Variants in AKAP6 observed in about 807,000 individuals in gnomAD.
The protein encoded by AKAP6 is A-kinase anchor protein 6.
Under a neutral mutation model 188.5 loss-of-function variants are expected in AKAP6, and 58 were observed. The ratio of observed to expected loss-of-function variants is 0.31; its 90% CI spans 0.25 to 0.38. The LOEUF is 0.38. AKAP6 is among the 10% of genes least tolerant of loss of function. The probability of loss-of-function intolerance (pLI) is 1.00; values close to 1 mark genes in which losing one functional copy is unlikely to be tolerated. For synonymous variants in AKAP6, 989 were observed against 998.6 expected (o/e 0.99, Z 0.18); for missense variants, 2,710 against 2,740.0 (o/e 0.99, Z 0.24).
intron 5 of AKAP6, among the ~76,000 whole-genome samples, chr14:32,592,851 A>G (rs934517769): frequency 2.0e-5 from 3 of 152,190 alleles, no homozygotes; most frequent in Non-Finnish European, 4.4e-5. Context: ...GAGGTTGGCC[A>G]AAGCTACACA....
At chr14:32,529,448 C>A (rs962132897) in intron 2 of AKAP6, among the ~76,000 whole-genome samples, 1 of 152,108 alleles carries the variant, frequency 6.6e-6, no homozygotes, top group African/African-American at 2.4e-5. Flanking sequence ...CCTTCCAAAT[C>A]TATGCCTTTT....
intron 1 of AKAP6, among the ~76,000 whole-genome samples, chr14:32,368,887 A>C: frequency 6.6e-6 from 1 of 151,940 alleles, no homozygotes; most frequent in South Asian, 2.1e-4. Context: ...AAGAAAAAAA[A>C]AACAAAAACA....
chr14:32,431,375 G>A (rs11851817), intron 1 of AKAP6, among the ~76,000 whole-genome samples: 1,633 of 152,296 alleles, frequency 0.011, 30 homozygotes, highest in African/African-American at 0.036. Flanking sequence ...TTGCATTCAG[G>A]TGGCGAAGGC....
At chr14:32,717,752 A>T (rs2030304302) in intron 9 of AKAP6, among the ~76,000 whole-genome samples, 1 of 152,096 alleles carries the variant, frequency 6.6e-6, no homozygotes, top group Non-Finnish European at 1.5e-5. Context: ...CTATGGTCTT[A>T]GTTTATACCA....
intron 7 of AKAP6, among the ~76,000 whole-genome samples, chr14:32,663,967 C>CT (rs1317842482): frequency 6.6e-6 from 1 of 151,838 alleles, no homozygotes; most frequent in African/African-American, 2.4e-5. Context: ...GTTATGGAAC[C>CT]TTTTTATAAT....
intron 1 of AKAP6, among the ~76,000 whole-genome samples, chr14:32,425,907 C>T (rs1890014385): frequency 6.6e-6 from 1 of 152,176 alleles, no homozygotes; most frequent in Admixed American, 6.5e-5. Context: ...GTGTCTTCAT[C>T]ATGAAATCTT....
At chr14:32,795,866 A>T (rs967299713) in intron 12 of AKAP6, among the ~76,000 whole-genome samples, 11 of 152,308 alleles carry the variant, frequency 7.2e-5, no homozygotes, top group Admixed American at 5.2e-4. Context: ...AGATGACATG[A>T]TTCTATACCT....
intron 1 of AKAP6, among the ~76,000 whole-genome samples, chr14:32,359,090 G>A (rs535999649): frequency 3.3e-5 from 5 of 152,210 alleles, no homozygotes; most frequent in African/African-American, 1.2e-4. Flanking sequence ...GGGATTAAAA[G>A]GGCCCTTGCC....
intron 11 of AKAP6, among the ~76,000 whole-genome samples, chr14:32,767,900 A>T (rs545497464): frequency 6.6e-6 from 1 of 152,090 alleles, no homozygotes; most frequent in South Asian, 2.1e-4. Flanking sequence ...CTTATTTAGA[A>T]CCTACTACAA....
intron 2 of AKAP6, among the ~76,000 whole-genome samples, chr14:32,489,539 G>C (rs1879888046): frequency 6.6e-6 from 1 of 151,982 alleles, no homozygotes; most frequent in African/African-American, 2.4e-5. Context: ...TGCTACATAT[G>C]TGTATATGCA....
intron 4 of AKAP6, among the ~76,000 whole-genome samples, chr14:32,548,667 A>G (rs1274162864): frequency 2.6e-5 from 4 of 152,218 alleles, no homozygotes. Context: ...AGGCAGAGAC[A>G]GAGACAGACA....
chr14:32,577,018 T>A, intron 4 of AKAP6, 102 bp from the exon 5 acceptor site: 1 of 1,354,466 alleles, frequency 7.4e-7, no homozygotes, highest in Non-Finnish European at 1.0e-6. Flanking sequence ...ATCGATTTGA[T>A]CATGGATAAA....
At chr14:32,552,011 AT>A (rs1315985161) in intron 4 of AKAP6, among the ~76,000 whole-genome samples, 1 of 152,010 alleles carries the variant, frequency 6.6e-6, no homozygotes, top group East Asian at 1.9e-4. Context: ...TATATTTATT[AT>A]TTTTGGTCTG....
chr14:32,464,387 C>T (rs914317832), intron 2 of AKAP6, among the ~76,000 whole-genome samples: 1 of 152,120 alleles, frequency 6.6e-6, no homozygotes, highest in Non-Finnish European at 1.5e-5. Context: ...CATCAAAAAG[C>T]TTATCCACCA....
intron 11 of AKAP6, among the ~76,000 whole-genome samples, chr14:32,737,413 G>A (rs1368068466): frequency 6.6e-6 from 1 of 152,144 alleles, no homozygotes; most frequent in Non-Finnish European, 1.5e-5. Flanking sequence ...GGAAGCAAAT[G>A]TTTGTAATAT....
intron 4 of AKAP6, among the ~76,000 whole-genome samples, chr14:32,566,290 C>A (rs1463763992): frequency 2.0e-5 from 3 of 151,958 alleles, no homozygotes; most frequent in African/African-American, 4.8e-5. Flanking sequence ...TAATGCCATT[C>A]TTTTCACTGT....
At chr14:32,436,000 T>C (rs1287383816) in intron 2 of AKAP6, among the ~76,000 whole-genome samples, 1 of 152,202 alleles carries the variant, frequency 6.6e-6, no homozygotes, top group East Asian at 1.9e-4. Flanking sequence ...ACGTTGATCA[T>C]AAGAATAAAC....
At chr14:32,472,563 GC>G (rs1406929880) in intron 2 of AKAP6, among the ~76,000 whole-genome samples, 3 of 152,188 alleles carry the variant, frequency 2.0e-5, no homozygotes, top group Non-Finnish European at 4.4e-5. Flanking sequence ...AAATGGCAAT[GC>G]CCCTCTTTGC....
chr14:32,385,047 C>T (rs1287647915), intron 1 of AKAP6: 1 of 151,722 alleles, frequency 6.6e-6, no homozygotes, highest in Non-Finnish European at 1.5e-5. Context: ...ATAAAAAGCT[C>T]TAGACTACTT....
Sources: gnomAD v4.1 joint callset for allele counts (sites outside exome capture counted in the v4.1 genomes callset) on GRCh38, gnomAD v4.1.1 for gene constraint, MANE v1.5 for transcripts, NCBI Gene and HGNC (gene_info 2026-07-23, HGNC 2026-07-21) for gene names.